TUSC3: variants seen among roughly 807,000 people sequenced by gnomAD.
TUSC3 encodes the protein tumor suppressor candidate 3.
A neutral mutation model predicts 44.8 loss-of-function variants in TUSC3; 45 were observed. That is an observed-to-expected ratio of 1.00 (90% confidence interval 0.79 to 1.29). TUSC3 has a LOEUF of 1.29. Among genes scored for constraint, TUSC3 ranks in the 50% most tolerant of loss-of-function variants. The probability of loss-of-function intolerance (pLI) is 0.00; values close to 1 mark genes in which losing one functional copy is unlikely to be tolerated. For missense variants in TUSC3, 519 were observed against 437.9 expected (o/e 1.19, Z -1.65); for synonymous variants, 212 against 152.9 (o/e 1.39, Z -2.85).
chr8:15,726,747 A>G (rs189714947), intron 6 of TUSC3, among the ~76,000 whole-genome samples: 2 of 152,326 alleles, frequency 1.3e-5, no homozygotes, highest in Admixed American at 1.3e-4. Context: ...CGGAGGTTGC[A>G]GTGAGCCGAG....
At chr8:15,779,925 C>T in the TUSC3 span, among the ~76,000 whole-genome samples, 11 of 152,132 alleles carry the variant, frequency 7.2e-5, no homozygotes, top group African/African-American at 2.7e-4. Flanking sequence ...CTGCTAAGAT[C>T]AGAAACAAAA....
chr8:15,784,987 G>T, the TUSC3 span, among the ~76,000 whole-genome samples: 1 of 150,592 alleles, frequency 6.6e-6, no homozygotes, highest in Non-Finnish European at 1.5e-5. Context: ...TACATGTACA[G>T]AAACATGACA....
intron 1 of TUSC3, among the ~76,000 whole-genome samples, chr8:15,590,438 C>G (rs937116657): frequency 6.6e-6 from 1 of 151,988 alleles, no homozygotes; most frequent in Admixed American, 6.6e-5. Flanking sequence ...CTTTCTCCTC[C>G]GGCTTCTAAC....
At chr8:15,541,314 C>T (rs1182164933) in intron 1 of TUSC3, among the ~76,000 whole-genome samples, 1 of 152,154 alleles carries the variant, frequency 6.6e-6, no homozygotes. Context: ...TTTGTAAGTT[C>T]TAATTATCCA....
chr8:15,571,700 G>C (rs1398502897), intron 1 of TUSC3, among the ~76,000 whole-genome samples: 3 of 152,078 alleles, frequency 2.0e-5, no homozygotes, highest in Non-Finnish European at 2.9e-5. Context: ...ATGGAATGCT[G>C]TTTGATAGAA....
At chr8:15,472,480 C>G (rs1800507520) in intron 1 of TUSC3, among the ~76,000 whole-genome samples, 1 of 152,172 alleles carries the variant, frequency 6.6e-6, no homozygotes, top group Non-Finnish European at 1.5e-5. Flanking sequence ...CTGGCCGTTT[C>G]TTCCATTAGA....
chr8:15,576,286 T>C lies in TUSC3; in HGVS notation c.138+35718T>C, dbSNP rs578213683. On this transcript the variant is annotated intron_variant, in intron 1 of 10. Transcript: ENST00000503731. ...TTTTTTCTTGGTCCTCTTGTTTTTT[T>C]TTTTTATTTTTTTATTTTTTTATTT... Among the ~76,000 whole-genome samples the C allele has an allele frequency of 4.5e-3, 653 of 146,240 alleles. 5 individuals carry two copies. The highest frequency in any genetic ancestry group is 0.015 in the African/African-American group (618 of 40,042).
intron 1 of TUSC3, among the ~76,000 whole-genome samples, chr8:15,467,638 A>G (rs1472251222): frequency 6.6e-6 from 1 of 152,126 alleles, no homozygotes; most frequent in Non-Finnish European, 1.5e-5. Context: ...TCTATTGGAA[A>G]CTGCTGTCCA....
intron 2 of TUSC3, among the ~76,000 whole-genome samples, chr8:15,532,499 C>T (rs572763645): frequency 1.2e-4 from 19 of 152,066 alleles, no homozygotes; most frequent in African/African-American, 3.4e-4. Context: ...TTTCTGAAGA[C>T]GGTCTGGGAT....
the TUSC3 span, among the ~76,000 whole-genome samples, chr8:15,814,634 G>A: frequency 3.9e-5 from 6 of 152,034 alleles, no homozygotes; most frequent in South Asian, 2.1e-4. Flanking sequence ...ACAAATACCC[G>A]CATAATATTA....
chr8:15,791,317 A>G, the TUSC3 span, among the ~76,000 whole-genome samples: 1 of 152,036 alleles, frequency 6.6e-6, no homozygotes, highest in Non-Finnish European at 1.5e-5. Flanking sequence ...GCATCTTGAA[A>G]TACGATTATC....
the TUSC3 span, among the ~76,000 whole-genome samples, chr8:15,835,647 AT>A: frequency 6.6e-6 from 1 of 152,108 alleles, no homozygotes; most frequent in African/African-American, 2.4e-5. Flanking sequence ...AATTTATGGA[AT>A]TTTTTGTACC....
intron 2 of TUSC3, among the ~76,000 whole-genome samples, chr8:15,629,131 G>T (rs537946615): frequency 1.3e-5 from 2 of 152,304 alleles, no homozygotes; most frequent in South Asian, 2.1e-4. Flanking sequence ...AAAGAAGCTT[G>T]AACTGTGAGA....
intron 1 of TUSC3, among the ~76,000 whole-genome samples, chr8:15,447,587 A>C (rs1189029874): frequency 6.6e-6 from 1 of 152,202 alleles, no homozygotes; most frequent in East Asian, 1.9e-4. Context: ...TCATGTTTAA[A>C]ATAGATTTGA....
chr8:15,439,414 G>C (rs146957884), intron 1 of TUSC3, among the ~76,000 whole-genome samples: 99 of 152,242 alleles, frequency 6.5e-4, no homozygotes, highest in Non-Finnish European at 1.3e-3. Flanking sequence ...AACAATAGCT[G>C]AGTGTTGTAG....
At chr8:15,654,969 C>T (rs952959812) in intron 3 of TUSC3, among the ~76,000 whole-genome samples, 1 of 152,036 alleles carries the variant, frequency 6.6e-6, no homozygotes, top group Non-Finnish European at 1.5e-5. Flanking sequence ...TTATATGCCT[C>T]TACTCATCTG....
chr8:15,570,954 G>GTTTTTTTTTTTGTTTTTTTTTTTTTTT (rs1802851272), intron 1 of TUSC3, among the ~76,000 whole-genome samples: 3 of 44,494 alleles, frequency 6.7e-5, no homozygotes, highest in Non-Finnish European at 1.6e-4. Flanking sequence ...TTGCCTATTA[G>GTTTTTTTTTTTGTTTTTTTTTTTTTTT]TTTTTTTTTT....
intron 1 of TUSC3, among the ~76,000 whole-genome samples, chr8:15,613,982 A>G (rs1804876064): frequency 6.7e-6 from 1 of 150,078 alleles, no homozygotes; most frequent in Non-Finnish European, 1.5e-5. Context: ...GTGTACAGGA[A>G]GTATACATTT....
rs190976053 is a variant in TUSC3 at position 15,607,406 on chromosome 8, G to T, written c.139-15674G>T. 9.1e-4 allele frequency among the ~76,000 whole-genome samples: 138 copies of T among 152,178 alleles called. 2 individuals carry two copies. Among genetic ancestry groups the T allele is most frequent in the African/African-American group, 3.2e-3 (134 of 41,524 alleles). On this transcript the variant is annotated intron_variant, in intron 1 of 10. Transcript: ENST00000503731. ...TACAAACTACAGTTATAATACATTTGTAAAGTGTGTGTATAGTTTACATAC... is the reference window on the plus strand; with the variant it reads ...TACAAACTACAGTTATAATACATTTTTAAAGTGTGTGTATAGTTTACATAC...
Sources: gnomAD v4.1 joint callset for allele counts (sites outside exome capture counted in the v4.1 genomes callset) on GRCh38, gnomAD v4.1.1 for gene constraint, MANE v1.5 for transcripts, NCBI Gene and HGNC (gene_info 2026-07-23, HGNC 2026-07-21) for gene names.